TBC1D22A: variants seen among roughly 807,000 people sequenced by gnomAD.
The protein encoded by TBC1D22A is TBC1 domain family member 22A.
Under a neutral mutation model 60.2 loss-of-function variants are expected in TBC1D22A, and 38 were observed. The observed-to-expected ratio is 0.63, with a 90% confidence interval of 0.49 to 0.83. TBC1D22A has a LOEUF of 0.83. TBC1D22A is among the 40% of genes least tolerant of loss of function. TBC1D22A has a pLI of 0.00. For synonymous variants in TBC1D22A, 302 were observed against 281.7 expected (o/e 1.07, Z -0.72); for missense variants, 628 against 701.0 (o/e 0.90, Z 1.18).
At chr22:46,989,041 T>A (rs2074834506) in intron 9 of TBC1D22A, among the ~76,000 whole-genome samples, 1 of 152,222 alleles carries the variant, frequency 6.6e-6, no homozygotes, top group Non-Finnish European at 1.5e-5. Context: ...ACCTTGTACT[T>A]TTATGCTATG....
chr22:46,876,999 G>A lies in TBC1D22A; in HGVS notation c.638-1654G>A, dbSNP rs540626303. On this transcript the variant is annotated intron_variant, in intron 4 of 12. Transcript: ENST00000337137. ...ACCTGTATTATTCTTTGAATATCCTGCTGCTGTGCTTTGATCTACTAAGAT... is the reference window on the plus strand; with the variant it reads ...ACCTGTATTATTCTTTGAATATCCTACTGCTGTGCTTTGATCTACTAAGAT... 6.6e-4 allele frequency among the ~76,000 whole-genome samples: 101 copies of A among 152,278 alleles called. 1 individual carries two copies. Among genetic ancestry groups the A allele is most frequent in the African/African-American group, 2.4e-3 (99 of 41,554 alleles).
chr22:46,797,328 G>A, intron 3 of TBC1D22A, 116 bp from the exon 4 acceptor site: 1 of 1,151,776 alleles, frequency 8.7e-7, no homozygotes, highest in East Asian at 2.4e-5. Flanking sequence ...CCCCACTGCT[G>A]AGTGATGGGA....
intron 4 of TBC1D22A, among the ~76,000 whole-genome samples, chr22:46,823,114 C>T (rs536328578): frequency 1.8e-4 from 27 of 152,262 alleles, no homozygotes; most frequent in South Asian, 4.1e-4. Context: ...AAATCCAAAG[C>T]ATCTTACTGT....
intron 4 of TBC1D22A, among the ~76,000 whole-genome samples, chr22:46,875,321 T>G (rs131864): frequency 0.61 from 92,058 of 152,122 alleles, 30,455 homozygotes; most frequent in Middle Eastern, 0.84. Context: ...ACTGTTTATA[T>G]GAATTGCAAG....
chr22:47,021,277 CTG>C lies in TBC1D22A; in HGVS notation c.1202-15792_1202-15791del, dbSNP rs2062076936. 2.0e-5 allele frequency among the ~76,000 whole-genome samples: 3 copies of C among 149,354 alleles called. No individual in the cohort carries two copies. In the South Asian group the frequency reaches 6.5e-4, roughly 32 times the overall value. ...AGCAGGGAACCTAGCAGAACCCCAC[CTG>C]TAGCCTGGAGCCCTGAGCAGGGAAC... On this transcript the variant is annotated intron_variant, in intron 10 of 12. Coordinates refer to ENST00000337137, the MANE Select transcript of TBC1D22A (RefSeq NM_014346.5).
intron 4 of TBC1D22A, among the ~76,000 whole-genome samples, chr22:46,853,641 A>G (rs376862730): frequency 6.6e-6 from 1 of 152,242 alleles, no homozygotes; most frequent in Non-Finnish European, 1.5e-5. Context: ...CTGGTCACCA[A>G]AGACACCACA....
At chr22:46,862,452 G>A (rs6009004) in intron 4 of TBC1D22A, among the ~76,000 whole-genome samples, 68,202 of 151,580 alleles carry the variant, frequency 0.45, 15,800 homozygotes, top group African/African-American at 0.57. Flanking sequence ...GCCCCCTCTT[G>A]CTTCTGTTCT....
intron 12 of TBC1D22A, among the ~76,000 whole-genome samples, chr22:47,163,266 GGGCAGAGGCC>G (rs1364963161): frequency 1.3e-5 from 2 of 152,336 alleles, no homozygotes; most frequent in African/African-American, 4.8e-5. Context: ...CTGGCATCCA[GGGCAGAGGCC>G]ATGGGTCCCC....
intron 8 of TBC1D22A, among the ~76,000 whole-genome samples, chr22:46,954,209 C>T (rs866001219): frequency 1.3e-5 from 2 of 152,350 alleles, no homozygotes; most frequent in African/African-American, 4.8e-5. Context: ...GCCCCAGTCC[C>T]GCTCTGCTTC....
At chr22:46,797,404 G>A (rs775032784) in intron 3 of TBC1D22A, 40 bp from the exon 4 acceptor site, 1 of 1,607,624 alleles carries the variant, frequency 6.2e-7, no homozygotes, top group South Asian at 1.1e-5. Context: ...TAGTCGGGAG[G>A]AGCGCCCTCA....
chr22:47,011,044 A>G (rs190692317), intron 10 of TBC1D22A, among the ~76,000 whole-genome samples: 1 of 152,250 alleles, frequency 6.6e-6, no homozygotes, highest in East Asian at 1.9e-4. Flanking sequence ...CTGACTTTTC[A>G]TAACAGCCCC....
intron 8 of TBC1D22A, among the ~76,000 whole-genome samples, chr22:46,919,323 C>T (rs551893805): frequency 1.4e-3 from 217 of 152,346 alleles, no homozygotes; most frequent in Non-Finnish European, 2.6e-3. Flanking sequence ...ATCCACGCAG[C>T]GTGAATCAGT....
At chr22:47,076,361 G>GTATATATATATATACA (rs2064217231) in intron 11 of TBC1D22A, among the ~76,000 whole-genome samples, 1 of 101,924 alleles carries the variant, frequency 9.8e-6, no homozygotes, top group East Asian at 4.6e-4. Context: ...ATATGTGTGT[G>GTATATATATATATACA]TATATATATA....
intron 10 of TBC1D22A, among the ~76,000 whole-genome samples, chr22:47,019,525 G>C (rs1385680784): frequency 6.6e-6 from 1 of 151,996 alleles, no homozygotes; most frequent in Non-Finnish European, 1.5e-5. Flanking sequence ...GCTGAGTCTC[G>C]TATAGGTGTT....
intron 4 of TBC1D22A, among the ~76,000 whole-genome samples, chr22:46,834,462 T>C (rs2086436767): frequency 6.6e-6 from 1 of 152,276 alleles, no homozygotes; most frequent in South Asian, 2.1e-4. Flanking sequence ...GAAGGCAGCA[T>C]AGCTCAGTGC....
At position 47,028,517 on chromosome 22, in the gene TBC1D22A, C is replaced by T. The variant is rs532251116; in HGVS notation, c.1202-8554C>T. ...CATTCCTGTCCCTCGGTCCCTGTCC[C>T]CCACGGCCCAGGTTCTGAGAGTGAG... On this transcript the variant is annotated intron_variant, in intron 10 of 12. Transcript: ENST00000337137. This position sits in a 1 kb window ranked among gnomAD's most constrained non-coding sequence, Gnocchi z 4.4. 7.0e-6 allele frequency among the ~76,000 whole-genome samples: 1 copy of T among 142,260 alleles called. No individual in the cohort carries two copies. The highest frequency in any genetic ancestry group is 1.5e-5 in the Non-Finnish European group (1 of 65,612). The allele number at this position is 142,260 out of a possible 152,430, so 93.3% of individuals were successfully genotyped here.
At chr22:46,822,060 A>G (rs1205183003) in intron 4 of TBC1D22A, among the ~76,000 whole-genome samples, 1 of 151,792 alleles carries the variant, frequency 6.6e-6, no homozygotes, top group Non-Finnish European at 1.5e-5. Flanking sequence ...CTTCACGAAG[A>G]TCTCATGCTG....
intron 7 of TBC1D22A, among the ~76,000 whole-genome samples, chr22:46,895,816 A>T (rs73470864): frequency 0.11 from 17,159 of 152,118 alleles, 1,593 homozygotes; most frequent in African/African-American, 0.26. Context: ...GAAGGGTGTT[A>T]TCTGGAGCCT....
intron 4 of TBC1D22A, among the ~76,000 whole-genome samples, chr22:46,825,924 CCAGGCTGGAGTA>C (rs1331812494): frequency 6.6e-6 from 1 of 151,076 alleles, no homozygotes; most frequent in East Asian, 1.9e-4. Context: ...GCTCTGTCGC[CCAGGCTGGAGTA>C]CAGTGGCGCC....
Sources: gnomAD v4.1 joint callset for allele counts (sites outside exome capture counted in the v4.1 genomes callset) on GRCh38, gnomAD v4.1.1 for gene constraint, Gnocchi (gnomAD v3.1) non-coding constraint, MANE v1.5 for transcripts, NCBI Gene and HGNC (gene_info 2026-07-23, HGNC 2026-07-21) for gene names.